The following PRDM5 variants were observed in gnomAD, a reference collection of about 807,000 sequenced individuals.
The protein encoded by PRDM5 is PR domain zinc finger protein 5.
Under a neutral mutation model 81.2 loss-of-function variants are expected in PRDM5, and 56 were observed. The observed-to-expected ratio is 0.69, with a 90% CI of 0.56 to 0.86. PRDM5 has a LOEUF of 0.86. PRDM5 is among the 40% of genes least tolerant of loss of function. The pLI is 0.00. For synonymous variants in PRDM5, 267 were observed against 256.4 expected, an observed-to-expected ratio of 1.04 and a Z score of -0.39; for missense variants, 697 against 770.1, an observed-to-expected ratio of 0.91 and a Z score of 1.12.
At chr4:120,756,566 T>A (rs1307003024) in intron 13 of PRDM5, among the ~76,000 whole-genome samples, 1 of 152,124 alleles carries the variant, frequency 6.6e-6, no homozygotes, top group Non-Finnish European at 1.5e-5. Context: ...ATAGTAGGAG[T>A]ACAGCAGGAG....
In PRDM5 at chr4:120,881,220, G is replaced by C. The variant is rs561290853; in HGVS notation, c.177+26254C>G. The stretch of plus-strand genomic sequence containing the variant: ...ATCACACAAAGATTTTTTTGTCTTT[G>C]ATTATTTGTCAAGTATTTATTTCTC... On this transcript the variant is annotated intron_variant, in intron 2 of 15. Transcript: ENST00000264808. Among the ~76,000 whole-genome samples the C allele has an allele frequency of 2.5e-3, 378 of 152,172 alleles. 2 individuals carry two copies. Among genetic ancestry groups the C allele is most frequent in the African/African-American group, 8.5e-3 (354 of 41,554 alleles).
rs751182540 is a variant in PRDM5, at chr4:120,818,346, T to C, written c.650+7A>G. On this transcript the variant is annotated splice_region_variant and intron_variant, in intron 5 of 15. Coordinates refer to ENST00000264808, the MANE Select transcript of PRDM5 (RefSeq NM_018699.4). The stretch of plus-strand genomic sequence containing the variant: ...TAATTTTAAAGATATTTCTTTAATA[T>C]ACGCACTGTCTTTGCAAAGCCTGCT... 37 of 1,611,646 alleles carry C rather than the reference T, an allele frequency of 2.3e-5. No individual in the cohort carries two copies. The highest frequency in any genetic ancestry group is 1.6e-4 in the Middle Eastern group (1 of 6,072).
chr4:120,757,915 TCCTC>T (rs928720994), intron 13 of PRDM5, among the ~76,000 whole-genome samples: 1 of 151,692 alleles, frequency 6.6e-6, no homozygotes, highest in African/African-American at 2.4e-5. Context: ...CTCTCTCCCT[TCCTC>T]CCTCCCTCCA....
chr4:120,761,318 A>G (rs569568306), intron 13 of PRDM5, among the ~76,000 whole-genome samples: 1 of 152,298 alleles, frequency 6.6e-6, no homozygotes, highest in African/African-American at 2.4e-5. Context: ...GCCTGGCCCC[A>G]ACAAGCTACC....
chr4:120,882,428 G>T (rs34623744), intron 2 of PRDM5, among the ~76,000 whole-genome samples: 2 of 151,922 alleles, frequency 1.3e-5, no homozygotes, highest in African/African-American at 2.4e-5. Context: ...GATTACAGAC[G>T]TGAACCACCG....
intron 4 of PRDM5, 144 bp from the exon 5 acceptor site, chr4:120,818,671 T>G: frequency 1.4e-6 from 1 of 715,588 alleles, no homozygotes; most frequent in African/African-American, 1.8e-5. Context: ...TAAATATTAA[T>G]AGTATTTGGC....
chr4:120,921,753 T>A (rs896011761), intron 1 of PRDM5, among the ~76,000 whole-genome samples: 4 of 152,198 alleles, frequency 2.6e-5, no homozygotes, highest in African/African-American at 7.2e-5. Context: ...GCCTTTGCTT[T>A]CAACATCCAA....
intron 2 of PRDM5, among the ~76,000 whole-genome samples, chr4:120,891,656 T>C (rs1002803027): frequency 6.6e-6 from 1 of 152,180 alleles, no homozygotes; most frequent in Middle Eastern, 3.2e-3. Flanking sequence ...AACTTTTTTT[T>C]TGAGACAGAG....
At chr4:120,706,165 C>T (rs978143121) in intron 15 of PRDM5, among the ~76,000 whole-genome samples, 2 of 149,584 alleles carry the variant, frequency 1.3e-5, no homozygotes, top group African/African-American at 4.9e-5. Context: ...GATCTTGGCT[C>T]ACTGAAACCT....
chr4:120,895,088 G>A (rs1321398102), intron 2 of PRDM5, among the ~76,000 whole-genome samples: 5 of 152,132 alleles, frequency 3.3e-5, no homozygotes, highest in Non-Finnish European at 4.4e-5. Flanking sequence ...TAATCACAAA[G>A]AGACAAAGTG....
At chr4:120,733,455 C>T (rs1349319028) in intron 14 of PRDM5, among the ~76,000 whole-genome samples, 1 of 152,168 alleles carries the variant, frequency 6.6e-6, no homozygotes, top group East Asian at 1.9e-4. Flanking sequence ...GCCCTACCCC[C>T]AATCTTGTTC....
At chr4:120,732,902 T>G (rs778128901) in intron 14 of PRDM5, among the ~76,000 whole-genome samples, 8 of 152,218 alleles carry the variant, frequency 5.3e-5, no homozygotes, top group Non-Finnish European at 1.2e-4. Flanking sequence ...AGCTGGGATA[T>G]TCTGTGACTC....
At chr4:120,728,345 T>C (rs1271469373) in intron 14 of PRDM5, among the ~76,000 whole-genome samples, 1 of 152,178 alleles carries the variant, frequency 6.6e-6, no homozygotes, top group Non-Finnish European at 1.5e-5. Flanking sequence ...AAAATGTATT[T>C]GGGAAATTGT....
Position 120,718,471 on chromosome 4 carries a change from T to G in PRDM5, c.1624-8058A>C, listed in dbSNP as rs76763286. On this transcript the variant is annotated intron_variant, in intron 14 of 15. Coordinates refer to ENST00000264808, the MANE Select transcript of PRDM5 (RefSeq NM_018699.4). The stretch of plus-strand genomic sequence containing the variant: ...ATTTCATCAGATAATTATTTCCTAT[T>G]TCTAAATTTAAAAGAAAATCTAAAA... Among the ~76,000 whole-genome samples the G allele has an allele frequency of 2.3e-3, 355 of 152,362 alleles. 2 individuals carry two copies. The highest frequency in any genetic ancestry group is 8.0e-3 in the African/African-American group (334 of 41,592).
At chr4:120,687,003 T>C (rs542743946), downstream of PRDM5, among the ~76,000 whole-genome samples, 2 of 152,074 alleles carry the variant, frequency 1.3e-5, no homozygotes, top group Non-Finnish European at 2.9e-5. Flanking sequence ...ACTCAGGAGA[T>C]GAAGGTTAAA....
chr4:120,840,557 G>A (rs1354714566), intron 3 of PRDM5, among the ~76,000 whole-genome samples: 1 of 151,988 alleles, frequency 6.6e-6, no homozygotes, highest in Non-Finnish European at 1.5e-5. Flanking sequence ...CCCACCTCAG[G>A]CCCCAAAAGT....
Position 120,821,215 on chromosome 4 carries a change from C to A in PRDM5, c.431G>T (p.Gly144Val). 6.2e-7 allele frequency: 1 copy of A among 1,614,120 alleles called. No homozygotes were observed. Residue 144 changes from glycine to valine, a missense_variant, in exon 4 of 16, where the codon GGG becomes GTG. Transcript: ENST00000264808. ...TTGTCTTCTAGAATTTTCAACTTCCCCTTCTTTGATGACTGTCATAATTTG... is the reference window on the plus strand; with the variant it reads ...TTGTCTTCTAGAATTTTCAACTTCCACTTCTTTGATGACTGTCATAATTTG... ...EQQIMTVIKE[G>V]EVENSRRQST...
chr4:120,804,213 G>A (rs1188129034), intron 8 of PRDM5, among the ~76,000 whole-genome samples: 1 of 152,142 alleles, frequency 6.6e-6, no homozygotes, highest in Non-Finnish European at 1.5e-5. Flanking sequence ...AGTTCTTAGA[G>A]ACCTACAAAG....
In PRDM5 at chr4:120,692,476, C is replaced by T. The variant is rs1047703268; in HGVS notation, c.*2635G>A. On this transcript the variant is annotated 3_prime_UTR_variant, in exon 16 of 16. Transcript: ENST00000264808. ...TGGTGCAACTGCTGATTATAATTTACCAATAAATGCCTCTATATAGCCAAC... is the reference window on the plus strand; with the variant it reads ...TGGTGCAACTGCTGATTATAATTTATCAATAAATGCCTCTATATAGCCAAC... The T allele has an allele frequency of 6.6e-6, 1 of 151,926 alleles. No homozygotes were observed. The highest frequency in any genetic ancestry group is 1.5e-5 in the Non-Finnish European group (1 of 67,972). The allele number at this position is 151,926 out of a possible 1,614,324, so 9.4% of individuals were successfully genotyped here.
Sources: allele counts gnomAD v4.1 joint callset (sites outside exome capture counted in the v4.1 genomes callset), GRCh38; gene constraint gnomAD v4.1.1; transcripts MANE v1.5; gene names NCBI Gene and HGNC (gene_info 2026-07-23, HGNC 2026-07-21).